FBN2: variants seen among roughly 807,000 people sequenced by gnomAD.
The protein encoded by FBN2 is fibrillin 2, also known as fibrillin-2.
In FBN2, 105 loss-of-function variants were observed where a neutral mutation model predicts 355.6. That is an observed-to-expected ratio of 0.30 (90% CI 0.25 to 0.35). The LOEUF (loss-of-function observed/expected upper bound fraction) is 0.35, where lower values mean the gene tolerates loss of function less well. Ranked by LOEUF, FBN2 falls within the 10% of genes least tolerant of loss-of-function variation. FBN2 has a pLI of 1.00. For synonymous variants in FBN2, 1,350 were observed against 1,301.2 expected, an observed-to-expected ratio of 1.04 and a Z score of -0.81; for missense variants, 3,280 against 3,758.7, an observed-to-expected ratio of 0.87 and a Z score of 3.33.
chr5:128,284,233 C>A (rs1220600554), intron 55 of FBN2, among the ~76,000 whole-genome samples: 1 of 152,142 alleles, frequency 6.6e-6, no homozygotes, highest in Non-Finnish European at 1.5e-5. Flanking sequence ...TCCCAATAAT[C>A]CTATGAAAGT....
chr5:128,347,695 A>C lies in FBN2; in HGVS notation c.2989+1652T>G, dbSNP rs535885659. Reference sequence around the variant, plus strand: ...TCACATCCCCAGACAGAATTAATTAATATAGCATAATTCAAGTGGTGACAA... The same window carrying C: ...TCACATCCCCAGACAGAATTAATTACTATAGCATAATTCAAGTGGTGACAA... On this transcript the variant is annotated intron_variant, in intron 23 of 64. Coordinates refer to ENST00000262464, the MANE Select transcript of FBN2 (RefSeq NM_001999.4). Among the ~76,000 whole-genome samples the C allele has an allele frequency of 3.9e-5, 6 of 152,332 alleles. No homozygotes were observed. In the South Asian group the frequency reaches 1.0e-3, roughly 26 times the overall value.
At chr5:128,441,539 C>T (rs1434853196) in intron 7 of FBN2, among the ~76,000 whole-genome samples, 3 of 152,266 alleles carry the variant, frequency 2.0e-5, no homozygotes, top group East Asian at 3.9e-4. Context: ...CCTCACAGCT[C>T]TGTGGTGATG....
intron 20 of FBN2, among the ~76,000 whole-genome samples, chr5:128,351,451 G>A (rs1751363821): frequency 6.6e-6 from 1 of 151,978 alleles, no homozygotes; most frequent in Admixed American, 6.6e-5. Flanking sequence ...GGAGGCTGAG[G>A]CAGGAGAATC....
intron 45 of FBN2, among the ~76,000 whole-genome samples, chr5:128,303,735 G>A (rs1162336026): frequency 6.6e-6 from 1 of 152,136 alleles, no homozygotes; most frequent in Admixed American, 6.6e-5. Flanking sequence ...TCTGTATAAG[G>A]GAGGTCTTAC....
At chr5:128,494,011 G>A (rs1200460887) in intron 5 of FBN2, among the ~76,000 whole-genome samples, 1 of 77,896 alleles carries the variant, frequency 1.3e-5, no homozygotes, top group Non-Finnish European at 2.1e-5. Flanking sequence ...CTGCGAGACA[G>A]AGAGCTTTGT....
At chr5:128,418,503 C>A (rs914617364) in intron 7 of FBN2, among the ~76,000 whole-genome samples, 2 of 152,040 alleles carry the variant, frequency 1.3e-5, no homozygotes, top group Non-Finnish European at 2.9e-5. Context: ...TTCCTCTTAG[C>A]ATTACTTTTG....
intron 2 of FBN2, among the ~76,000 whole-genome samples, chr5:128,531,147 T>C (rs1756690427): frequency 6.6e-6 from 1 of 152,032 alleles, no homozygotes; most frequent in Admixed American, 6.6e-5. Context: ...GAAACTGTTA[T>C]ATATATATGG....
chr5:128,483,536 C>G (rs1755253938), intron 5 of FBN2, among the ~76,000 whole-genome samples: 1 of 151,740 alleles, frequency 6.6e-6, no homozygotes, highest in Non-Finnish European at 1.5e-5. Flanking sequence ...AAGAGGCTGA[C>G]AGTCCCAAAG....
At chr5:128,332,789 C>T in intron 32 of FBN2, 123 bp downstream of exon 32, 1 of 989,698 alleles carries the variant, frequency 1.0e-6, no homozygotes, top group Non-Finnish European at 1.6e-6. Context: ...AATTATCTTG[C>T]AACTAAGATA....
At chr5:128,429,867 T>G (rs947534752) in intron 7 of FBN2, among the ~76,000 whole-genome samples, 2 of 152,170 alleles carry the variant, frequency 1.3e-5, no homozygotes, top group Non-Finnish European at 2.9e-5. Context: ...ACAATTAAAT[T>G]TTTACAGTAT....
chr5:128,310,385 TA>T (rs1561763431), intron 39 of FBN2, among the ~76,000 whole-genome samples: 74 of 13,482 alleles, frequency 5.5e-3, no homozygotes, highest in African/African-American at 0.019. Flanking sequence ...TATATATATA[TA>T]TATATATATA....
chr5:128,411,784 C>T (rs575935835), intron 7 of FBN2, among the ~76,000 whole-genome samples: 26 of 152,294 alleles, frequency 1.7e-4, no homozygotes, highest in African/African-American at 6.0e-4. Context: ...ACCCCCACCC[C>T]GTCTTCGACC....
intron 25 of FBN2, chr5:128,339,301 T>C: frequency 2.2e-6 from 1 of 459,030 alleles, no homozygotes; most frequent in Admixed American, 3.3e-5. Flanking sequence ...CTGAATTGTG[T>C]ATTTGTTTTT....
chr5:128,343,580 G>A (rs191699172), intron 25 of FBN2, among the ~76,000 whole-genome samples: 20 of 152,260 alleles, frequency 1.3e-4, no homozygotes, highest in African/African-American at 4.1e-4. Context: ...CAGCTCAAGG[G>A]TCTGGAACAA....
At chr5:128,364,861 G>A in intron 17 of FBN2, 136 bp from the exon 18 acceptor site, 9 of 731,416 alleles carry the variant, frequency 1.2e-5, no homozygotes, top group Non-Finnish European at 1.9e-5. Flanking sequence ...CTTTCAGAAA[G>A]GAAAAAGAAC....
intron 20 of FBN2, among the ~76,000 whole-genome samples, chr5:128,356,141 C>G (rs1054053597): frequency 1.3e-5 from 2 of 152,148 alleles, no homozygotes; most frequent in African/African-American, 2.4e-5. Flanking sequence ...CCACCGCCCC[C>G]CCAACCCAGC....
chr5:128,328,167 C>G (rs1750604900), intron 34 of FBN2: 1 of 181,208 alleles, frequency 5.5e-6, no homozygotes, highest in South Asian at 1.3e-4. Context: ...AGACCCATTT[C>G]TAGGAAAGGT....
At chr5:128,418,766 T>C (rs1391102485) in intron 7 of FBN2, among the ~76,000 whole-genome samples, 3 of 152,220 alleles carry the variant, frequency 2.0e-5, no homozygotes, top group African/African-American at 7.2e-5. Context: ...TTGTTGAGAC[T>C]TGTTCTGTGA....
intron 47 of FBN2, 126 bp from the exon 48 acceptor site, chr5:128,301,062 A>G: frequency 1.2e-6 from 1 of 835,016 alleles, no homozygotes; most frequent in Non-Finnish European, 1.9e-6. Context: ...GTCACCATGA[A>G]CAAATATTAC....
Sources: gnomAD v4.1 joint callset for allele counts (sites outside exome capture counted in the v4.1 genomes callset) on GRCh38, gnomAD v4.1.1 for gene constraint, MANE v1.5 for transcripts, NCBI Gene and HGNC (gene_info 2026-07-23, HGNC 2026-07-21) for gene names.